The following CDH18 variants were observed in gnomAD, a reference collection of about 807,000 sequenced individuals.
The protein encoded by CDH18 is cadherin-18.
CDH18 carries 31 observed loss-of-function variants against 67.9 expected under a neutral mutation model. The observed-to-expected ratio is 0.46, with a 90% confidence interval of 0.34 to 0.62. CDH18 has a LOEUF of 0.62. Among genes scored for constraint, CDH18 ranks in the 20% least tolerant of loss-of-function variants. The probability of loss-of-function intolerance (pLI) is 0.01; values close to 1 mark genes in which losing one functional copy is unlikely to be tolerated. For synonymous variants in CDH18, 362 were observed against 347.2 expected, an observed-to-expected ratio of 1.04 and a Z score of -0.48; for missense variants, 890 against 975.5, an observed-to-expected ratio of 0.91 and a Z score of 1.17.
At chr5:20,273,598 G>A (rs962782614) in intron 1 of CDH18, among the ~76,000 whole-genome samples, 113 of 152,034 alleles carry the variant, frequency 7.4e-4, no homozygotes, top group Non-Finnish European at 2.4e-4. Flanking sequence ...AGGTTTTTAT[G>A]TAAAATTTCT....
intron 3 of CDH18, among the ~76,000 whole-genome samples, chr5:19,752,816 T>C (rs1771032791): frequency 6.6e-6 from 1 of 152,168 alleles, no homozygotes; most frequent in Non-Finnish European, 1.5e-5. Flanking sequence ...GGTGCTGGTA[T>C]TCATGGCTGA....
intron 2 of CDH18, among the ~76,000 whole-genome samples, chr5:20,178,593 T>TTTC (rs547981548): frequency 9.3e-5 from 13 of 139,396 alleles, no homozygotes; most frequent in East Asian, 6.1e-4. Flanking sequence ...TCTTTCTTTC[T>TTTC]TTTTTTTTTT....
chr5:19,650,641 T>C lies in CDH18; in HGVS notation c.644-38040A>G, dbSNP rs534471417. ...TGCCAATCCCTGTACAGGTGTATTT[T>C]GTGACATGACATTGAGTACCATATA... On this transcript the variant is annotated intron_variant, in intron 5 of 12. Transcript: ENST00000382275. 3.9e-5 allele frequency among the ~76,000 whole-genome samples: 6 copies of C among 152,190 alleles called. No individual in the cohort carries two copies. The East Asian group carries it at 1.2e-3, about 29-fold the overall frequency.
At chr5:20,415,419 C>G (rs780890336) in intron 1 of CDH18, among the ~76,000 whole-genome samples, 11 of 151,894 alleles carry the variant, frequency 7.2e-5, no homozygotes, top group Non-Finnish European at 1.5e-4. Flanking sequence ...TACATACATA[C>G]AATGGAATAT....
At chr5:19,584,459 G>A (rs1194802513) in intron 7 of CDH18, among the ~76,000 whole-genome samples, 2 of 151,992 alleles carry the variant, frequency 1.3e-5, no homozygotes, top group Non-Finnish European at 2.9e-5. Flanking sequence ...TCTTTTTTCT[G>A]CCATCTCAAT....
rs1031045961 is a variant in CDH18 at position 19,471,530 on chromosome 5, G to A, written c.*1696C>T. ...ATTTAAAGAGCAAAGGAAAAACTCC[G>A]GTGTCAACTAATTCCTATTTCATGT... On this transcript the variant is annotated 3_prime_UTR_variant, in exon 13 of 13. Transcript: ENST00000382275. Among the ~76,000 whole-genome samples the A allele has an allele frequency of 6.6e-5, 10 of 151,832 alleles. No individual in the cohort carries two copies. The highest frequency in any genetic ancestry group is 9.7e-5 in the African/African-American group (4 of 41,344).
At chr5:20,275,805 G>T (rs188046758) in intron 1 of CDH18, among the ~76,000 whole-genome samples, 7 of 152,296 alleles carry the variant, frequency 4.6e-5, no homozygotes, top group Non-Finnish European at 8.8e-5. Flanking sequence ...GGATAGGAAA[G>T]ACAGTCTTGA....
intron 5 of CDH18, among the ~76,000 whole-genome samples, chr5:19,636,121 T>C (rs567583722): frequency 7.2e-4 from 110 of 152,204 alleles, no homozygotes; most frequent in African/African-American, 2.6e-3. Context: ...TCTAATTAAG[T>C]TAGGACAATA....
intron 1 of CDH18, among the ~76,000 whole-genome samples, chr5:20,484,139 A>AGGG (rs1753006944): frequency 1.3e-5 from 2 of 152,162 alleles, no homozygotes; most frequent in African/African-American, 4.8e-5. Context: ...AAATTTCTCA[A>AGGG]AAGAAGACCT....
intron 2 of CDH18, among the ~76,000 whole-genome samples, chr5:20,100,686 A>G (rs1746381778): frequency 6.6e-6 from 1 of 152,042 alleles, no homozygotes; most frequent in Non-Finnish European, 1.5e-5. Flanking sequence ...TCTGGCCTCC[A>G]CTTTTTGATT....
At chr5:19,590,348 C>T (rs1290285894) in intron 7 of CDH18, among the ~76,000 whole-genome samples, 1 of 151,968 alleles carries the variant, frequency 6.6e-6, no homozygotes, top group Non-Finnish European at 1.5e-5. Context: ...CTTAGAACTT[C>T]CCCATGGTAG....
chr5:20,459,610 G>A (rs894375896), intron 1 of CDH18, among the ~76,000 whole-genome samples: 1 of 152,120 alleles, frequency 6.6e-6, no homozygotes, highest in Non-Finnish European at 1.5e-5. Context: ...TCCTGCCTCT[G>A]TGTACTGAAC....
Position 19,929,825 on chromosome 5 carries a change from T to C in CDH18, c.-257+51235A>G, listed in dbSNP as rs963619246. Reference sequence around the variant, plus strand: ...GGAATCAGCCCAACTTATTTATATATGTTGAACTTTCATTTTATATTCATA... The same window carrying C: ...GGAATCAGCCCAACTTATTTATATACGTTGAACTTTCATTTTATATTCATA... On this transcript the variant is annotated intron_variant, in intron 2 of 12. Coordinates refer to ENST00000382275, the MANE Select transcript of CDH18 (RefSeq NM_004934.5). 4.6e-5 allele frequency among the ~76,000 whole-genome samples: 7 copies of C among 152,252 alleles called. No individual in the cohort carries two copies. The East Asian group carries it at 1.4e-3, about 29-fold the overall frequency.
At chr5:19,967,509 C>T (rs141789233) in intron 2 of CDH18, among the ~76,000 whole-genome samples, 37 of 152,068 alleles carry the variant, frequency 2.4e-4, no homozygotes, top group Middle Eastern at 3.4e-3. Flanking sequence ...TATAACTTGC[C>T]TGTGGTGATA....
At chr5:19,596,390 A>G (rs1013874393) in intron 6 of CDH18, among the ~76,000 whole-genome samples, 1 of 152,194 alleles carries the variant, frequency 6.6e-6, no homozygotes, top group African/African-American at 2.4e-5. Context: ...CAAATTCTCT[A>G]AAATATTTTG....
chr5:19,667,193 CA>C (rs1758078924), intron 5 of CDH18, among the ~76,000 whole-genome samples: 1 of 151,348 alleles, frequency 6.6e-6, no homozygotes, highest in East Asian at 1.9e-4. Context: ...TTATAAATGA[CA>C]AAAATAAATA....
chr5:19,619,477 G>A (rs886165885), intron 5 of CDH18, among the ~76,000 whole-genome samples: 3 of 152,124 alleles, frequency 2.0e-5, no homozygotes, highest in African/African-American at 4.8e-5. Flanking sequence ...AGAAAGCAGG[G>A]TATTCATGGA....
intron 2 of CDH18, among the ~76,000 whole-genome samples, chr5:20,131,049 C>T (rs1309801018): frequency 2.0e-5 from 3 of 152,018 alleles, no homozygotes; most frequent in Non-Finnish European, 4.4e-5. Flanking sequence ...ACAAAAATCA[C>T]TTCATATCAT....
chr5:19,815,284 T>C (rs775320464), intron 3 of CDH18, among the ~76,000 whole-genome samples: 26 of 152,130 alleles, frequency 1.7e-4, no homozygotes, highest in Non-Finnish European at 3.1e-4. Context: ...ATGTTGTCAT[T>C]TGTATAAGAT....
Sources: gnomAD v4.1 joint callset for allele counts (sites outside exome capture counted in the v4.1 genomes callset) on GRCh38, gnomAD v4.1.1 for gene constraint, MANE v1.5 for transcripts, NCBI Gene and HGNC (gene_info 2026-07-23, HGNC 2026-07-21) for gene names.